RYR1: variants seen among roughly 807,000 people sequenced by gnomAD.
RYR1 encodes the protein ryanodine receptor 1, also known as central core disease of muscle.
A neutral mutation model predicts 583.5 loss-of-function variants in RYR1; 342 were observed. The observed-to-expected ratio is 0.59, with a 90% confidence interval of 0.54 to 0.64. RYR1 has a LOEUF of 0.64. Among genes scored for constraint, RYR1 ranks in the 30% least tolerant of loss-of-function variants. The pLI is 0.00. For synonymous variants in RYR1, 2,791 were observed against 2,822.5 expected (o/e 0.99, Z 0.35); for missense variants, 6,032 against 6,917.2 (o/e 0.87, Z 4.54).
Position 38,568,912 on chromosome 19 carries a change from G to A in RYR1, c.13659+995G>A, listed in dbSNP as rs190902550. Among the ~76,000 whole-genome samples the A allele has an allele frequency of 8.8e-3, 1,340 of 152,348 alleles. 7 individuals are homozygous for A. The highest frequency in any genetic ancestry group is 0.014 in the Non-Finnish European group (949 of 68,028). On this transcript the variant is annotated intron_variant, in intron 93 of 105. Transcript: ENST00000359596. ...TGGCCGTGCGAGGGGGCTCATGCCT[G>A]TAAGTCCAGTACTTTGGAAGTCCAA...
chr19:38,543,312 G>A lies in RYR1; in HGVS notation c.11690-35G>A. 6.4e-7 allele frequency: 1 copy of A among 1,558,688 alleles called. No homozygotes were observed. The highest frequency in any genetic ancestry group is 8.9e-7 in the Non-Finnish European group (1 of 1,129,622). On this transcript the variant is annotated intron_variant, in intron 84 of 105. Coordinates refer to ENST00000359596, the MANE Select transcript of RYR1 (RefSeq NM_000540.3). The surrounding 1 kb of genome is among the most constrained non-coding windows in gnomAD (Gnocchi z 4.4). ...CACTGTTCATCTCCCCTAGCACATG[G>A]GAGGTGCTGGATAAATGACTTTTCA... is the stretch of plus-strand genomic sequence containing the variant.
intron 105 of RYR1, among the ~76,000 whole-genome samples, 165 bp downstream of exon 105, chr19:38,586,741 C>A (rs992871418): frequency 6.6e-6 from 1 of 151,988 alleles, no homozygotes; most frequent in African/African-American, 2.4e-5. Context: ...GAGGCCAAGG[C>A]GGGTGGATTA....
intron 35 of RYR1, 72 bp downstream of exon 35, chr19:38,489,515 G>A: frequency 1.9e-6 from 3 of 1,571,742 alleles, no homozygotes; most frequent in Non-Finnish European, 1.7e-6. Context: ...TGGGATGTGA[G>A]TCTGGACTTC....
chr19:38,584,378 C>T (rs1266443604), intron 101 of RYR1, among the ~76,000 whole-genome samples: 5 of 139,350 alleles, frequency 3.6e-5, no homozygotes, highest in African/African-American at 1.1e-4. Context: ...CTGTGCCCCA[C>T]TATCCTGGCC....
intron 105 of RYR1, 69 bp downstream of exon 105, chr19:38,586,645 G>C (rs1239499030): frequency 6.9e-7 from 1 of 1,448,786 alleles, no homozygotes; most frequent in Non-Finnish European, 9.7e-7. Context: ...CAGTCAGTAG[G>C]TGGCAGTAAA....
chr19:38,514,742 C>T (rs902365633), intron 63 of RYR1, among the ~76,000 whole-genome samples: 3 of 152,062 alleles, frequency 2.0e-5, no homozygotes, highest in African/African-American at 7.2e-5. Context: ...TATTGAGTGC[C>T]TACTGTGTGC....
chr19:38,561,498 G>A lies in RYR1; in HGVS notation c.12624+44G>A. 2 of 1,559,668 alleles carry A rather than the reference G, an allele frequency of 1.3e-6. No individual in the cohort carries two copies. Among genetic ancestry groups the A allele is most frequent in the Non-Finnish European group, 1.7e-6 (2 of 1,151,630 alleles). On this transcript the variant is annotated intron_variant, in intron 90 of 105. Transcript: ENST00000359596. The surrounding 1 kb of genome is among the most constrained non-coding windows in gnomAD (Gnocchi z 4.8). ...GTGCAAGCTCGCCTCCTGGGGCTTC[G>A]GGCATGCGGGTGCTCACTTCCTGCA...
At chr19:38,573,641 T>C (rs1374655095) in intron 96 of RYR1, among the ~76,000 whole-genome samples, 3 of 150,746 alleles carry the variant, frequency 2.0e-5, no homozygotes, top group African/African-American at 7.3e-5. Context: ...GATCGCACCA[T>C]TACACTCCAG....
rs927377843 is a variant in RYR1 at position 38,558,952 on chromosome 19, G to A, written c.12283-2161G>A. 2.6e-5 allele frequency among the ~76,000 whole-genome samples: 4 copies of A among 152,032 alleles called. 1 individual carries two copies. The highest frequency in any genetic ancestry group is 5.9e-5 in the Non-Finnish European group (4 of 68,024). Reference sequence around the variant, plus strand: ...CTAAAAATACAGAATTAGCCAGTGTGGTGGCACACGCCTGTAGTCCCAGCT... The same window carrying A: ...CTAAAAATACAGAATTAGCCAGTGTAGTGGCACACGCCTGTAGTCCCAGCT... On this transcript the variant is annotated intron_variant, in intron 89 of 105. Coordinates refer to ENST00000359596, the MANE Select transcript of RYR1 (RefSeq NM_000540.3).
chr19:38,458,199 A>T lies in RYR1; in HGVS notation c.2074A>T (p.Thr692Ser). Reference protein sequence around the residue: ...RVGWALTEGYTPYPGAGEGWG... With the variant: ...RVGWALTEGYSPYPGAGEGWG... ...GGGCTGGGCCCTCACCGAGGGCTAC[A>T]CCCCCTACCCTGGGGCCGGCGAGGG... is the stretch of plus-strand genomic sequence containing the variant. Residue 692 changes from threonine to serine, a missense_variant, in exon 18 of 106, where the codon ACC becomes TCC. Around this residue, in one of 11 missense-constraint regions of RYR1, gnomAD observed 2,627 missense variants for 2,961.3 expected, o/e 0.89. Transcript: ENST00000359596. 6.2e-7 allele frequency: 1 copy of T among 1,613,698 alleles called. No individual in the cohort carries two copies. The highest frequency in any genetic ancestry group is 8.5e-7 in the Non-Finnish European group (1 of 1,179,966).
At position 38,523,897 on chromosome 19, in the gene RYR1, T is replaced by G. The variant is rs1207309155; in HGVS notation, c.10441-18T>G. 1 of 1,614,050 alleles carries G rather than the reference T, an allele frequency of 6.2e-7. No individual in the cohort carries two copies. ...TGGGGTAACCCTTCTTGTCTCTGTC[T>G]GCGGTCCGGTGAAGCAGGCGGGAGA... On this transcript the variant is annotated intron_variant, in intron 69 of 105. Transcript: ENST00000359596.
chr19:38,556,037 T>C (rs568554796), intron 89 of RYR1, among the ~76,000 whole-genome samples: 1 of 152,168 alleles, frequency 6.6e-6, no homozygotes, highest in East Asian at 1.9e-4. Context: ...CTAATTTTTG[T>C]ATTTTTAGTA....
chr19:38,498,123 C>A (rs1227916814), intron 42 of RYR1, among the ~76,000 whole-genome samples: 2 of 152,184 alleles, frequency 1.3e-5, no homozygotes, highest in Non-Finnish European at 2.9e-5. Context: ...GAGCAAACCT[C>A]ATAAGCTGGA....
In RYR1 at chr19:38,483,484, C is replaced by G. The variant is rs377100871; in HGVS notation, c.4902C>G (p.Thr1634=). 233 of 1,558,352 alleles carry G rather than the reference C, an allele frequency of 1.5e-4. No homozygotes were observed. In the African/African-American group the frequency reaches 2.6e-3, roughly 18 times the overall value. The change falls in exon 33 of 106, where the codon ACC becomes ACG. Residue 1634 remains threonine, a synonymous_variant. Coordinates refer to ENST00000359596, the MANE Select transcript of RYR1 (RefSeq NM_000540.3). This position sits in a 1 kb window ranked among gnomAD's most constrained non-coding sequence, Gnocchi z 6.3. ...CCGTGCAGTGCCAGGAGCCGCTGAC[C>G]ATGATGGCGCTGCACATCCCCGAGG... ...GWAVQCQEPL[T]MMALHIPEEN...
At position 38,519,322 on chromosome 19, in the gene RYR1, A is replaced by T; in HGVS notation, c.10127A>T (p.Glu3376Val). ...RKRAGKVVSE[E>V]EQLRLEAKAE... is the part of the protein sequence containing the mutation. Reference sequence around the variant, plus strand: ...AGGGCAGGGAAGGTGGTGTCCGAGGAGGAGCAGCTGCGCCTGGAGGCCAAG... The same window carrying T: ...AGGGCAGGGAAGGTGGTGTCCGAGGTGGAGCAGCTGCGCCTGGAGGCCAAG... The change falls in exon 67 of 106, where the codon GAG becomes GTG. Residue 3376 changes from glutamate (E) to valine (V), a missense_variant. Transcript: ENST00000359596. 6.2e-7 allele frequency: 1 copy of T among 1,613,810 alleles called. No homozygotes were observed. The highest frequency in any genetic ancestry group is 1.7e-5 in the Admixed American group (1 of 60,008).
chr19:38,518,398 A>AT (rs1393048640), intron 66 of RYR1, among the ~76,000 whole-genome samples: 21 of 118,376 alleles, frequency 1.8e-4, no homozygotes, highest in Non-Finnish European at 3.4e-4. Context: ...CGTCTCTATT[A>AT]TTTAAAAAAA....
chr19:38,467,688 G>T lies in RYR1; in HGVS notation c.3257G>T (p.Arg1086Leu). 1 of 1,614,250 alleles carries T rather than the reference G, an allele frequency of 6.2e-7. No homozygotes were observed. Among genetic ancestry groups the T allele is most frequent in the South Asian group, 1.1e-5 (1 of 91,090 alleles). ...AAATCCTATACAGTGCAGAGCGGCC[G>T]CTGGTACTTCGAGTTTGAAGCAGTC... Reference protein sequence around the residue: ...AEKSYTVQSGRWYFEFEAVTT... With the variant: ...AEKSYTVQSGLWYFEFEAVTT... Residue 1086 changes from arginine to leucine, a missense_variant, in exon 25 of 106, where the codon CGC becomes CTC. This residue lies in a region of RYR1 where 2,627 missense variants were observed against 2,961.3 expected (regional missense o/e 0.89). Transcript: ENST00000359596.
chr19:38,585,051 A>G lies in RYR1; in HGVS notation c.14755A>G (p.Ile4919Val). ...CGAGCTCTACAGGGTGGTCTTCGACATCACCTTCTTCTTCTTCGTCATCGT... is the reference window on the plus strand; with the variant it reads ...CGAGCTCTACAGGGTGGTCTTCGACGTCACCTTCTTCTTCTTCGTCATCGT... ...EYELYRVVFD[I>V]TFFFFVIVIL... is the part of the protein sequence containing the mutation. Residue 4919 changes from isoleucine (I) to valine (V), a missense_variant, in exon 102 of 106, where the codon ATC (isoleucine) becomes GTC (valine). Around this residue, in one of 11 missense-constraint regions of RYR1, gnomAD observed 189 missense variants for 350.3 expected, o/e 0.54. Transcript: ENST00000359596. 1 of 1,614,014 alleles carries G rather than the reference A, an allele frequency of 6.2e-7. No homozygotes were observed.
intron 24 of RYR1, among the ~76,000 whole-genome samples, chr19:38,466,807 G>T (rs1248671786): frequency 2.0e-5 from 3 of 152,012 alleles, no homozygotes; most frequent in East Asian, 3.9e-4. Context: ...GGCCCAAATG[G>T]GCTATATCTA....
Sources: allele counts gnomAD v4.1 joint callset (sites outside exome capture counted in the v4.1 genomes callset), GRCh38; gene constraint gnomAD v4.1.1; regional missense constraint gnomAD v4.1.1; non-coding constraint Gnocchi (gnomAD v3.1); transcripts MANE v1.5; gene names NCBI Gene and HGNC (gene_info 2026-07-23, HGNC 2026-07-21).